The following SULT1B1 variants were observed in gnomAD, a reference collection of about 807,000 sequenced individuals.
SULT1B1 encodes the protein sulfotransferase family 1B member 1, also known as sulfotransferase 1B1.
A neutral mutation model predicts 34.6 loss-of-function variants in SULT1B1; 28 were observed. The observed-to-expected ratio is 0.81, with a 90% CI of 0.60 to 1.11. The LOEUF (loss-of-function observed/expected upper bound fraction) is 1.11. SULT1B1 is among the 50% of genes least tolerant of loss of function. The pLI, the probability that SULT1B1 is intolerant of heterozygous loss-of-function variation, is 0.00. For synonymous variants in SULT1B1, 147 were observed against 110.2 expected (o/e 1.33, Z -2.09); for missense variants, 374 against 352.2 (o/e 1.06, Z -0.50).
At chr4:69,753,522 C>T (rs114101120) in intron 3 of SULT1B1, among the ~76,000 whole-genome samples, 66 of 152,284 alleles carry the variant, frequency 4.3e-4, no homozygotes, top group African/African-American at 1.6e-3. Context: ...TCTATCCTAG[C>T]CTAATTTCCA....
chr4:69,754,855 A>G, intron 2 of SULT1B1, 57 bp from the exon 3 acceptor site: 1 of 1,569,752 alleles, frequency 6.4e-7, no homozygotes, highest in Non-Finnish European at 8.7e-7. Context: ...GGAGAGGGAG[A>G]AGAATTTATT....
chr4:69,738,299 T>C (rs1198885917), intron 4 of SULT1B1, among the ~76,000 whole-genome samples: 1 of 152,218 alleles, frequency 6.6e-6, no homozygotes, highest in East Asian at 1.9e-4. Flanking sequence ...CACTCTGCTA[T>C]AAAGAACTGT....
At chr4:69,750,529 AC>A (rs1718939812) in intron 3 of SULT1B1, among the ~76,000 whole-genome samples, 1 of 152,198 alleles carries the variant, frequency 6.6e-6, no homozygotes, top group Non-Finnish European at 1.5e-5. Context: ...ACTCTAGAAT[AC>A]CTGATAATCT....
chr4:69,755,036 G>A, intron 2 of SULT1B1, 34 bp downstream of exon 2: 2 of 1,559,644 alleles, frequency 1.3e-6, no homozygotes, highest in South Asian at 2.3e-5. Flanking sequence ...AAAAAATGAG[G>A]TCGGACTTGA....
At chr4:69,728,260 A>G (rs1371676416) in intron 7 of SULT1B1, among the ~76,000 whole-genome samples, 1 of 152,080 alleles carries the variant, frequency 6.6e-6, no homozygotes, top group Non-Finnish European at 1.5e-5. Flanking sequence ...TAATATACGC[A>G]AACACATTTA....
At chr4:69,734,857 C>T (rs1333667018) in intron 4 of SULT1B1, among the ~76,000 whole-genome samples, 4 of 140,412 alleles carry the variant, frequency 2.8e-5, no homozygotes, top group African/African-American at 8.1e-5. Flanking sequence ...GACGCCCTGT[C>T]GCCCAGGCTG....
Position 69,754,739 on chromosome 4 carries a change from A to G in SULT1B1, c.208T>C (p.Cys70Arg). ...TTTTCAGTAATAAAACCTCGCTTAC[A>G]TTTTTCAATATCTCCATCATTTAGA... is the stretch of plus-strand genomic sequence containing the variant. ...MILNDGDIEK[C>R]KRGFITEKVP... is the part of the protein sequence containing the mutation. The change falls in exon 3 of 8, where the codon TGT becomes CGT. Residue 70 changes from cysteine (C) to arginine (R), a missense_variant. Transcript: ENST00000310613. 9.3e-6 allele frequency: 15 copies of G among 1,613,252 alleles called. No homozygotes were observed. Among genetic ancestry groups the G allele is most frequent in the Non-Finnish European group, 1.2e-5 (14 of 1,179,416 alleles).
rs1446135262 is a variant in SULT1B1 at position 69,725,293 on chromosome 4, G to A, written c.*1795C>T. The A allele has an allele frequency of 1.3e-5, 2 of 152,292 alleles. No homozygotes were observed. The highest frequency in any genetic ancestry group is 2.4e-5 in the African/African-American group (1 of 41,564). 9.4% of individuals were successfully genotyped at this position (152,292 alleles called of 1,614,324 possible). ...AAATGCTCATCATCACTGGCCATCA[G>A]GGAAATGCAAATCAAAACCACAATG... On this transcript the variant is annotated 3_prime_UTR_variant, in exon 8 of 8. Transcript: ENST00000310613.
chr4:69,731,810 T>C (rs1718091311), intron 6 of SULT1B1, among the ~76,000 whole-genome samples: 1 of 152,166 alleles, frequency 6.6e-6, no homozygotes, highest in Non-Finnish European at 1.5e-5. Flanking sequence ...ATGAGTAAGT[T>C]TATTTGAATA....
chr4:69,757,240 A>T (rs1719226237), intron 1 of SULT1B1, among the ~76,000 whole-genome samples: 1 of 152,198 alleles, frequency 6.6e-6, no homozygotes, highest in Admixed American at 6.5e-5. Context: ...CTGTTAATTT[A>T]ATAACATATA....
chr4:69,757,123 A>G (rs1029465538), intron 1 of SULT1B1, among the ~76,000 whole-genome samples: 2 of 152,206 alleles, frequency 1.3e-5, no homozygotes. Context: ...TTTGTAAGTA[A>G]AACCATAGCC....
At chr4:69,744,822 G>A (rs971870682) in intron 4 of SULT1B1, among the ~76,000 whole-genome samples, 1 of 152,132 alleles carries the variant, frequency 6.6e-6, no homozygotes, top group Admixed American at 6.5e-5. Flanking sequence ...ATGTTAGGTT[G>A]TTAATGTGAG....
chr4:69,757,329 C>T (rs964566034), intron 1 of SULT1B1, among the ~76,000 whole-genome samples: 16 of 152,232 alleles, frequency 1.1e-4, no homozygotes, highest in Admixed American at 9.2e-4. Context: ...AATCGCATTG[C>T]TTCTAGTAAA....
intron 3 of SULT1B1, among the ~76,000 whole-genome samples, chr4:69,752,562 G>A (rs1291634043): frequency 6.6e-6 from 1 of 152,120 alleles, no homozygotes; most frequent in East Asian, 1.9e-4. Context: ...TGAACTTAAT[G>A]GCTTAGGAAA....
At chr4:69,753,144 A>G (rs993256479) in intron 3 of SULT1B1, among the ~76,000 whole-genome samples, 1 of 152,126 alleles carries the variant, frequency 6.6e-6, no homozygotes, top group African/African-American at 2.4e-5. Context: ...ATTTTCTCCA[A>G]TGTCACAAAG....
rs1401060521 is a variant in SULT1B1, at chr4:69,724,406, T to C, written c.*2682A>G. The C allele has an allele frequency of 6.6e-6, 1 of 152,250 alleles. No homozygotes were observed. The highest frequency in any genetic ancestry group is 1.5e-5 in the Non-Finnish European group (1 of 68,070). The allele number at this position is 152,250 out of a possible 1,614,324, so 9.4% of individuals were successfully genotyped here. A position where few individuals can be genotyped will look rare whatever the true frequency, so the allele number is the denominator to read the frequency against. On this transcript the variant is annotated 3_prime_UTR_variant, in exon 8 of 8. Transcript: ENST00000310613. ...CAAATAGAAGAACATTCCATGCTCA[T>C]GGATAGGAAGAATCAATATCATGAA...
chr4:69,736,081 A>C (rs1718299108), intron 4 of SULT1B1, among the ~76,000 whole-genome samples: 2 of 152,082 alleles, frequency 1.3e-5, no homozygotes, highest in African/African-American at 4.8e-5. Context: ...ATTGCATTGA[A>C]CTCAGTGCTG....
chr4:69,723,241 A>G lies in SULT1B1; in HGVS notation c.*3847T>C, dbSNP rs1313654456. 1 of 152,154 alleles carries G rather than the reference A, an allele frequency of 6.6e-6. No homozygotes were observed. Among genetic ancestry groups the G allele is most frequent in the Non-Finnish European group, 1.5e-5 (1 of 68,008 alleles). The allele number at this position is 152,154 out of a possible 1,614,324, so 9.4% of individuals were successfully genotyped here. A position where few individuals can be genotyped will look rare whatever the true frequency, so the allele number is the denominator to read the frequency against. On this transcript the variant is annotated 3_prime_UTR_variant, in exon 8 of 8. Transcript: ENST00000310613. ...ACAAACTACCGTCAGAGAATACTAA[A>G]AACACCTCTACGCAAATAAACTAGA...
chr4:69,728,146 A>C (rs532931232), intron 7 of SULT1B1, among the ~76,000 whole-genome samples: 2 of 152,176 alleles, frequency 1.3e-5, no homozygotes, highest in South Asian at 4.1e-4. Context: ...ACTGGGGCTA[A>C]TGCATCCGTA....
Sources: gnomAD v4.1 joint callset for allele counts (sites outside exome capture counted in the v4.1 genomes callset) on GRCh38, gnomAD v4.1.1 for gene constraint, MANE v1.5 for transcripts, NCBI Gene and HGNC (gene_info 2026-07-23, HGNC 2026-07-21) for gene names.